The following ECSCR variants were observed in gnomAD, a reference collection of about 807,000 sequenced individuals.
ECSCR encodes the protein endothelial cell-specific chemotaxis regulator.
Under a neutral mutation model 16.7 loss-of-function variants are expected in ECSCR, and 12 were observed. That is an observed-to-expected ratio of 0.72 (90% CI 0.46 to 1.17). The LOEUF is 1.17. ECSCR is among the 50% of genes most tolerant of loss of function. The probability of loss-of-function intolerance (pLI) is 0.00; values close to 1 mark genes in which losing one functional copy is unlikely to be tolerated. For missense variants in ECSCR, 122 were observed against 116.1 expected (o/e 1.05, Z -0.23); for synonymous variants, 44 against 42.2 (o/e 1.04, Z -0.17).
At chr5:139,449,980 C>A in intron 8 of ECSCR, among the ~76,000 whole-genome samples, 1 of 152,082 alleles carries the variant, frequency 6.6e-6, no homozygotes, top group East Asian at 1.9e-4. Flanking sequence ...ACTGCAACCT[C>A]CGCCTCTGGG....
chr5:139,457,607 G>T lies in ECSCR; in HGVS notation c.158-3C>A, dbSNP rs1008679822. 10 of 898,130 alleles carry T rather than the reference G, an allele frequency of 1.1e-5. No homozygotes were observed. Among genetic ancestry groups the T allele is most frequent in the Non-Finnish European group, 1.9e-5 (10 of 525,620 alleles). The allele number at this position is 898,130 out of a possible 1,614,324, so 55.6% of individuals were successfully genotyped here. ...AGCCTCTGAGGAAGGGATGTATCCT[G>T]CAAGGACAGAGGCAGATAGGGAGTG... is the stretch of plus-strand genomic sequence containing the variant. On this transcript the variant is annotated splice_region_variant and splice_polypyrimidine_tract_variant and intron_variant, in intron 3 of 9. Coordinates refer to ENST00000618155, the MANE Select transcript of ECSCR (RefSeq NM_001077693.4).
rs1407718223 is a variant in ECSCR, at chr5:139,457,447, C to T, written c.217+98G>A. ...TGAGGGTCTATTTCCTTGTCTGTTCCCGCTCGCCCCAGTCTATATTCTCTT... is the reference window on the plus strand; with the variant it reads ...TGAGGGTCTATTTCCTTGTCTGTTCTCGCTCGCCCCAGTCTATATTCTCTT... On this transcript the variant is annotated intron_variant, in intron 4 of 9. Transcript: ENST00000618155. The T allele has an allele frequency of 3.9e-6, 3 of 771,974 alleles. No homozygotes were observed. The African/African-American group carries it at 5.1e-5, about 13-fold the overall frequency. 47.8% of individuals were successfully genotyped at this position (771,974 alleles called of 1,614,324 possible). A position where few individuals can be genotyped will look rare whatever the true frequency, so the allele number is the denominator to read the frequency against.
Position 139,457,537 on chromosome 5 carries a change from C to T in ECSCR, c.217+8G>A, listed in dbSNP as rs767259652. On this transcript the variant is annotated splice_region_variant and intron_variant, in intron 4 of 9. Transcript: ENST00000618155. The stretch of plus-strand genomic sequence containing the variant: ...TGGATGGCATTTGTAGTCTGAATGA[C>T]ACAGTACCTGGGGTACCAGTGCTGG... 20 of 783,518 alleles carry T rather than the reference C, an allele frequency of 2.6e-5. No individual in the cohort carries two copies. Among genetic ancestry groups the T allele is most frequent in the Non-Finnish European group, 3.6e-5 (15 of 420,502 alleles). The allele number at this position is 783,518 out of a possible 1,614,324, so 48.5% of individuals were successfully genotyped here.
At position 139,457,798 on chromosome 5, in the gene ECSCR, C is replaced by T; in HGVS notation, c.116G>A (p.Gly39Asp). The T allele has an allele frequency of 6.2e-7, 1 of 1,609,440 alleles. No homozygotes were observed. The highest frequency in any genetic ancestry group is 8.5e-7 in the Non-Finnish European group (1 of 1,177,838). Reference sequence around the variant, plus strand: ...TGGCTCTGTGGTCAGACTTAGACCGCCAAGGCCTCCTGAAACAGAACATCT... The same window carrying T: ...TGGCTCTGTGGTCAGACTTAGACCGTCAAGGCCTCCTGAAACAGAACATCT... The part of the protein sequence containing the change: ...TQTSSSQGGL[G>D]GLSLTTEPVS... The change falls in exon 3 of 10, where the codon GGC becomes GAC. Residue 39 changes from glycine (G) to aspartate (D), a missense_variant. Gly to Asp is a moderately conservative substitution (Grantham distance 94). Coordinates refer to ENST00000618155, the MANE Select transcript of ECSCR (RefSeq NM_001077693.4).
At chr5:139,460,773 T>C (rs1751282723) in intron 1 of ECSCR, among the ~76,000 whole-genome samples, 1 of 152,108 alleles carries the variant, frequency 6.6e-6, no homozygotes, top group Admixed American at 6.6e-5. Flanking sequence ...GTCTCCCCTC[T>C]CTAATTCTGT....
chr5:139,457,068 G>T (rs927447374), intron 4 of ECSCR, among the ~76,000 whole-genome samples: 5,808 of 152,306 alleles, frequency 0.038, 166 homozygotes, highest in Non-Finnish European at 0.063. Context: ...AAGCACACTC[G>T]GGCCTGCTCA....
In ECSCR at chr5:139,451,394, GGT is replaced by G. The variant is rs1370305759; in HGVS notation, c.513-2222_513-2221del. On this transcript the variant is annotated intron_variant, in intron 8 of 9. Coordinates refer to ENST00000618155, the MANE Select transcript of ECSCR (RefSeq NM_001077693.4). ...TTTTTTATGTGGTGTGTGGGTTTGTGGTGTGTGTGTGGTTTGGTTGGGTGTGT... is the reference window on the plus strand; with the variant it reads ...TTTTTTATGTGGTGTGTGGGTTTGTGGTGTGTGTGGTTTGGTTGGGTGTGT... Among the ~76,000 whole-genome samples the G allele has an allele frequency of 4.0e-5, 6 of 150,304 alleles. No individual in the cohort carries two copies. In the South Asian group the frequency reaches 6.3e-4, roughly 16 times the overall value.
intron 8 of ECSCR, among the ~76,000 whole-genome samples, chr5:139,451,892 G>A (rs1751059940): frequency 6.6e-6 from 1 of 151,430 alleles, no homozygotes; most frequent in African/African-American, 2.4e-5. Flanking sequence ...TGTGGGGTGT[G>A]TGTGTTTGTG....
At chr5:139,450,944 T>G (rs1488604591) in intron 8 of ECSCR, among the ~76,000 whole-genome samples, 1 of 152,204 alleles carries the variant, frequency 6.6e-6, no homozygotes, top group Non-Finnish European at 1.5e-5. Context: ...ACACTTTTCA[T>G]GATGGGGTTA....
At chr5:139,454,238 TC>T (rs1751108343) in intron 8 of ECSCR, among the ~76,000 whole-genome samples, 1 of 117,374 alleles carries the variant, frequency 8.5e-6, no homozygotes, top group Non-Finnish European at 1.8e-5. Context: ...TGTGTGGGGG[TC>T]GTGTGGTGTG....
At position 139,449,816 on chromosome 5, in the gene ECSCR, A is replaced by T. The variant is rs369566890; in HGVS notation, c.513-642T>A. 2.2e-4 allele frequency among the ~76,000 whole-genome samples: 33 copies of T among 151,472 alleles called. No homozygotes were observed. In the East Asian group the frequency reaches 5.4e-3, roughly 25 times the overall value. On this transcript the variant is annotated intron_variant, in intron 8 of 9. Coordinates refer to ENST00000618155, the MANE Select transcript of ECSCR (RefSeq NM_001077693.4). ...AGCTCACTGCAGCCTTGACCCCCTG[A>T]GCTCACACAATCTACCTGCCTCAGC...
intron 8 of ECSCR, among the ~76,000 whole-genome samples, chr5:139,454,336 T>C (rs928119803): frequency 9.5e-5 from 14 of 147,158 alleles, no homozygotes; most frequent in Non-Finnish European, 1.8e-4. Flanking sequence ...GTGTGTGATG[T>C]GTGATGTATG....
intron 8 of ECSCR, among the ~76,000 whole-genome samples, chr5:139,451,147 TGTG>T (rs1254639648): frequency 1.4e-5 from 2 of 147,028 alleles, no homozygotes; most frequent in East Asian, 2.0e-4. Flanking sequence ...TGTGAGGTGT[TGTG>T]TGTGTGTGTG....
At chr5:139,462,378 G>A (rs1282842559) in intron 1 of ECSCR, among the ~76,000 whole-genome samples, 1 of 152,156 alleles carries the variant, frequency 6.6e-6, no homozygotes, top group Admixed American at 6.5e-5. Flanking sequence ...TTTATGGGGA[G>A]CCCAGCTCCC....
intron 5 of ECSCR, 76 bp from the exon 6 acceptor site, chr5:139,455,512 TC>T: frequency 2.5e-6 from 1 of 392,970 alleles, no homozygotes. Context: ...CCCTCCCGCT[TC>T]CCCCTAGGGA....
intron 8 of ECSCR, among the ~76,000 whole-genome samples, chr5:139,454,060 AGTGGGGTGTGTGGTGTGTTTGAGGTATGT>A (rs1751102376): frequency 1.1e-5 from 1 of 93,104 alleles, no homozygotes; most frequent in African/African-American, 4.3e-5. Context: ...GTGTGTGTGT[AGTGGGGTGTGTGGTGTGTTTGAGGTATGT>A]GTGGGGTGTG....
Position 139,449,179 on chromosome 5 carries a change from G to T in ECSCR, c.513-5C>A. The T allele has an allele frequency of 6.5e-7, 1 of 1,536,172 alleles. No individual in the cohort carries two copies. Among genetic ancestry groups the T allele is most frequent in the Non-Finnish European group, 8.7e-7 (1 of 1,145,932 alleles). On this transcript the variant is annotated splice_region_variant and splice_polypyrimidine_tract_variant and intron_variant, in intron 8 of 9. Coordinates refer to ENST00000618155, the MANE Select transcript of ECSCR (RefSeq NM_001077693.4). ...TCTCCATTGGCTGTGGAGCAGCTGG[G>T]GGAGGAAGGGGGTCTGGGTTAAAGA...
intron 1 of ECSCR, among the ~76,000 whole-genome samples, chr5:139,458,530 A>AAAAAAAG (rs1751219456): frequency 7.3e-6 from 1 of 137,734 alleles, no homozygotes; most frequent in Non-Finnish European, 1.6e-5. Context: ...AAAAAAAAAA[A>AAAAAAAG]AAAGAAAGAA....
intron 1 of ECSCR, among the ~76,000 whole-genome samples, chr5:139,460,546 G>A (rs928867416): frequency 6.6e-6 from 1 of 152,188 alleles, no homozygotes; most frequent in African/African-American, 2.4e-5. Context: ...ATTATTCAGT[G>A]GCTTGGGAGG....
Sources: allele counts gnomAD v4.1 joint callset (sites outside exome capture counted in the v4.1 genomes callset), GRCh38; gene constraint gnomAD v4.1.1; transcripts MANE v1.5; gene names NCBI Gene and HGNC (gene_info 2026-07-23, HGNC 2026-07-21).